Variants in CLDN10 observed in about 807,000 individuals in gnomAD.
CLDN10 encodes claudin 10.
Under a neutral mutation model 22.9 loss-of-function variants are expected in CLDN10, and 15 were observed. That is an observed-to-expected ratio of 0.65 (90% CI 0.44 to 1.01). The LOEUF (loss-of-function observed/expected upper bound fraction) is 1.01. CLDN10 is among the 50% of genes least tolerant of loss of function. The probability of loss-of-function intolerance (pLI) is 0.00; values close to 1 mark genes in which losing one functional copy is unlikely to be tolerated. For synonymous variants in CLDN10, 114 were observed against 111.4 expected (o/e 1.02, Z -0.15); for missense variants, 247 against 287.8 (o/e 0.86, Z 1.03).
intron 1 of CLDN10, among the ~76,000 whole-genome samples, chr13:95,555,773 T>C (rs1012294803): frequency 3.9e-5 from 6 of 152,186 alleles, no homozygotes; most frequent in African/African-American, 1.4e-4. Flanking sequence ...TTCCCCCACC[T>C]GCAAGTGGAA....
intron 1 of CLDN10, among the ~76,000 whole-genome samples, chr13:95,507,987 C>T (rs1370794002): frequency 6.6e-6 from 1 of 151,954 alleles, no homozygotes; most frequent in East Asian, 1.9e-4. Flanking sequence ...ACTAGGGAGG[C>T]TGAGGTGAAA....
At chr13:95,472,534 G>A (rs777517677) in intron 1 of CLDN10, among the ~76,000 whole-genome samples, 8 of 152,056 alleles carry the variant, frequency 5.3e-5, no homozygotes, top group Non-Finnish European at 1.0e-4. Context: ...GCCGGGTGTG[G>A]TAGTGTGTGC....
chr13:95,456,260 C>T (rs2139083762), intron 1 of CLDN10, among the ~76,000 whole-genome samples: 1 of 152,336 alleles, frequency 6.6e-6, no homozygotes, highest in Admixed American at 6.5e-5. Flanking sequence ...CCTGTCTTTA[C>T]TTTCACAAAA....
rs75218079 is a variant in CLDN10, at chr13:95,561,352, T to A, written c.464+889T>A. Among the ~76,000 whole-genome samples the A allele has an allele frequency of 8.9e-3, 1,351 of 152,306 alleles. 22 individuals are homozygous for A. Among genetic ancestry groups the A allele is most frequent in the African/African-American group, 0.031 (1,288 of 41,558 alleles). The stretch of plus-strand genomic sequence containing the variant: ...ACTTTTTTTCTGGTGGTTTTAGGAA[T>A]CTTCAGGAAATTGATTTTCTAGTTC... On this transcript the variant is annotated intron_variant, in intron 3 of 4. Transcript: ENST00000299339.
chr13:95,453,218 C>T (rs538111134), intron 1 of CLDN10, among the ~76,000 whole-genome samples: 18 of 152,156 alleles, frequency 1.2e-4, no homozygotes, highest in Non-Finnish European at 2.5e-4. Context: ...TTCCAGGAGT[C>T]CCCTCCCTAA....
At chr13:95,575,975 CCTGCTTCCTG>C (rs2043919162) in intron 3 of CLDN10, among the ~76,000 whole-genome samples, 4 of 152,138 alleles carry the variant, frequency 2.6e-5, no homozygotes, top group Admixed American at 2.6e-4. Flanking sequence ...AAAAGCACGC[CCTGCTTCCTG>C]CTCCCCTGGC....
At chr13:95,433,843 G>A (rs776939421) in exon 1 of CLDN10, 2 of 1,613,962 alleles carry the variant, frequency 1.2e-6, no homozygotes, top group Non-Finnish European at 8.5e-7. Context: ...CATGTCCAGG[G>A]CGCAGATCTG....
intron 3 of CLDN10, among the ~76,000 whole-genome samples, chr13:95,575,067 T>C (rs2043907089): frequency 6.6e-6 from 1 of 152,174 alleles, no homozygotes; most frequent in African/African-American, 2.4e-5. Flanking sequence ...TCAACCATGG[T>C]ATCTGGCACT....
At chr13:95,505,749 CTT>C (rs34828390) in intron 1 of CLDN10, among the ~76,000 whole-genome samples, 1,174 of 103,674 alleles carry the variant, frequency 0.011, 3 homozygotes, top group Non-Finnish European at 0.016. Context: ...CCTTCCCTTT[CTT>C]TTTTTTTTTT....
chr13:95,541,230 T>C (rs2138623972), intron 1 of CLDN10, among the ~76,000 whole-genome samples: 1 of 152,286 alleles, frequency 6.6e-6, no homozygotes, highest in South Asian at 2.1e-4. Flanking sequence ...CTAACACTTG[T>C]TGGAGGCAGG....
At chr13:95,502,761 T>C (rs912654603) in intron 1 of CLDN10, among the ~76,000 whole-genome samples, 1 of 152,254 alleles carries the variant, frequency 6.6e-6, no homozygotes, top group Admixed American at 6.5e-5. Context: ...CCTCAAGTGA[T>C]CCGCCCGCCT....
At chr13:95,570,858 G>GTGTGTATA (rs60359070) in intron 3 of CLDN10, among the ~76,000 whole-genome samples, 4 of 119,704 alleles carry the variant, frequency 3.3e-5, no homozygotes, top group East Asian at 2.2e-4. Flanking sequence ...ATATACGTGT[G>GTGTGTATA]TATATATATA....
chr13:95,435,664 G>A (rs772702657), intron 1 of CLDN10, among the ~76,000 whole-genome samples: 5 of 152,156 alleles, frequency 3.3e-5, no homozygotes, highest in Non-Finnish European at 7.3e-5. Context: ...AGGAAAAGAA[G>A]AGTGTGTGTG....
intron 1 of CLDN10, among the ~76,000 whole-genome samples, chr13:95,537,995 TAA>T (rs1344190661): frequency 6.6e-6 from 1 of 152,206 alleles, no homozygotes; most frequent in African/African-American, 2.4e-5. Flanking sequence ...AATGCAGAGC[TAA>T]ATTCATAGCC....
chr13:95,546,508 A>G (rs1404448008), intron 1 of CLDN10, among the ~76,000 whole-genome samples: 1 of 151,300 alleles, frequency 6.6e-6, no homozygotes, highest in Non-Finnish European at 1.5e-5. Flanking sequence ...CATTTTGAAG[A>G]AAAAAAACTC....
intron 1 of CLDN10, among the ~76,000 whole-genome samples, chr13:95,451,768 T>C (rs1305223744): frequency 1.3e-5 from 2 of 152,236 alleles, no homozygotes; most frequent in African/African-American, 4.8e-5. Context: ...TTCATGTATG[T>C]TGAGTTACTG....
At chr13:95,574,567 C>T (rs913678357) in intron 3 of CLDN10, among the ~76,000 whole-genome samples, 1 of 152,046 alleles carries the variant, frequency 6.6e-6, no homozygotes, top group South Asian at 2.1e-4. Context: ...GTCAGGAGTG[C>T]GAGACCAGCT....
chr13:95,499,588 C>T (rs1346292729), intron 1 of CLDN10, among the ~76,000 whole-genome samples: 1 of 152,154 alleles, frequency 6.6e-6, no homozygotes. Flanking sequence ...TTTGGATCTG[C>T]ATGCTGACAG....
intron 1 of CLDN10, among the ~76,000 whole-genome samples, chr13:95,517,933 CAAAAAAAAAA>C (rs35780641): frequency 5.3e-5 from 5 of 94,092 alleles, no homozygotes; most frequent in African/African-American, 1.6e-4. Flanking sequence ...AACTCCACCT[CAAAAAAAAAA>C]AAAAAAAAAA....
Sources: gnomAD v4.1 joint callset for allele counts (sites outside exome capture counted in the v4.1 genomes callset) on GRCh38, gnomAD v4.1.1 for gene constraint, MANE v1.5 for transcripts, NCBI Gene and HGNC (gene_info 2026-07-23, HGNC 2026-07-21) for gene names.